GRIP1: variants seen among roughly 807,000 people sequenced by gnomAD.
GRIP1 encodes the protein glutamate receptor interacting protein 1.
Under a neutral mutation model 129.9 loss-of-function variants are expected in GRIP1, and 45 were observed. The observed-to-expected ratio is 0.35, with a 90% CI of 0.27 to 0.44. GRIP1 has a LOEUF of 0.44. Among genes scored for constraint, GRIP1 ranks in the 20% least tolerant of loss-of-function variants. GRIP1 has a pLI of 1.00. For synonymous variants in GRIP1, 530 were observed against 520.8 expected, an observed-to-expected ratio of 1.02 and a Z score of -0.24; for missense variants, 1,196 against 1,396.8, an observed-to-expected ratio of 0.86 and a Z score of 2.29.
intron 1 of GRIP1, among the ~76,000 whole-genome samples, chr12:66,896,604 T>G (rs532261558): frequency 6.6e-6 from 1 of 152,306 alleles, no homozygotes; most frequent in East Asian, 1.9e-4. Flanking sequence ...GATATGCTTT[T>G]GCATATGAAT....
At chr12:66,430,296 G>T (rs2058110501) in intron 14 of GRIP1, among the ~76,000 whole-genome samples, 1 of 152,148 alleles carries the variant, frequency 6.6e-6, no homozygotes, top group Admixed American at 6.5e-5. Flanking sequence ...CAGCGTGGTG[G>T]TGACGACTAG....
At chr12:66,774,064 G>C (rs1185859535) in intron 1 of GRIP1, among the ~76,000 whole-genome samples, 1 of 152,078 alleles carries the variant, frequency 6.6e-6, no homozygotes. Flanking sequence ...TTCAAAAATG[G>C]AGAACAGTAT....
chr12:66,848,250 G>A (rs2137070438), intron 1 of GRIP1, among the ~76,000 whole-genome samples: 1 of 150,274 alleles, frequency 6.7e-6, no homozygotes. Flanking sequence ...CTCTTTCCCT[G>A]TCTCCCTCTC....
At chr12:66,730,084 A>AT (rs1565992130) in intron 1 of GRIP1, among the ~76,000 whole-genome samples, 3 of 152,234 alleles carry the variant, frequency 2.0e-5, no homozygotes, top group African/African-American at 7.2e-5. Context: ...AAACCAGCAT[A>AT]CAGCAGACTG....
chr12:66,629,505 T>G (rs760719424), intron 1 of GRIP1, among the ~76,000 whole-genome samples: 9 of 152,242 alleles, frequency 5.9e-5, no homozygotes, highest in Non-Finnish European at 8.8e-5. Flanking sequence ...CTAAAGCCTC[T>G]AATTATAATC....
rs11176184 is a variant in GRIP1 at position 66,447,591 on chromosome 12, T to C, written c.1355-2083A>G. Among the ~76,000 whole-genome samples, 9 of 152,166 alleles carry C rather than the reference T, an allele frequency of 5.9e-5. No individual in the cohort carries two copies. In the East Asian group the frequency reaches 1.2e-3, roughly 20 times the overall value. Reference sequence around the variant, plus strand: ...TCATTATTTGTTCCCTCTTCCTTTTTTCCCCCACTACAGGAGGTTGTATCC... The same window carrying C: ...TCATTATTTGTTCCCTCTTCCTTTTCTCCCCCACTACAGGAGGTTGTATCC... On this transcript the variant is annotated intron_variant, in intron 11 of 24. Transcript: ENST00000359742.
At chr12:66,598,531 A>G (rs2064146363) in intron 1 of GRIP1, among the ~76,000 whole-genome samples, 2 of 152,324 alleles carry the variant, frequency 1.3e-5, no homozygotes, top group South Asian at 4.1e-4. Context: ...AACAAAATAC[A>G]AAATGTAAAC....
chr12:66,580,533 C>T (rs1343046689), intron 2 of GRIP1, among the ~76,000 whole-genome samples: 4 of 152,064 alleles, frequency 2.6e-5, no homozygotes, highest in East Asian at 1.9e-4. Flanking sequence ...CAGAGACACA[C>T]ATAGGCTCAA....
At chr12:66,580,267 T>A (rs1005403417) in intron 2 of GRIP1, among the ~76,000 whole-genome samples, 72 of 150,460 alleles carry the variant, frequency 4.8e-4, no homozygotes, top group Non-Finnish European at 9.2e-4. Flanking sequence ...GCACTAAACA[T>A]GGAAAGGAAC....
intron 1 of GRIP1, among the ~76,000 whole-genome samples, chr12:66,656,170 C>T (rs1445817759): frequency 6.6e-6 from 1 of 152,152 alleles, no homozygotes; most frequent in East Asian, 1.9e-4. Context: ...TGGTGTGATA[C>T]TCAACAAATG....
At chr12:66,380,292 T>C (rs2056045556) in intron 19 of GRIP1, among the ~76,000 whole-genome samples, 2 of 152,168 alleles carry the variant, frequency 1.3e-5, no homozygotes, top group African/African-American at 2.4e-5. Context: ...GAAAGACTTG[T>C]TCCTGTGATG....
At chr12:66,613,433 G>C (rs532824183) in intron 1 of GRIP1, among the ~76,000 whole-genome samples, 1 of 152,186 alleles carries the variant, frequency 6.6e-6, no homozygotes, top group East Asian at 1.9e-4. Context: ...GCATAGAAAG[G>C]TTCCTGTATG....
chr12:66,562,295 C>T (rs1293100720), intron 2 of GRIP1, among the ~76,000 whole-genome samples: 3 of 152,240 alleles, frequency 2.0e-5, no homozygotes, highest in African/African-American at 4.8e-5. Flanking sequence ...GAACCAGTGT[C>T]ACTGATGTCC....
rs1270397741 is a variant in GRIP1, at chr12:66,357,736, G to T, written c.3013-4173C>A. On this transcript the variant is annotated intron_variant, in intron 23 of 24. Coordinates refer to ENST00000359742, the MANE Select transcript of GRIP1 (RefSeq NM_001366722.1). ...TTACTCTGAAATACAGCTTTTACAA[G>T]AAGGGCAGAATGAATGAATGCTAAT... Among the ~76,000 whole-genome samples the T allele has an allele frequency of 2.0e-5, 3 of 152,140 alleles. No individual in the cohort carries two copies. In the South Asian group the frequency reaches 6.2e-4, roughly 32 times the overall value.
At chr12:66,452,595 A>G (rs2058838940) in intron 11 of GRIP1, among the ~76,000 whole-genome samples, 1 of 152,218 alleles carries the variant, frequency 6.6e-6, no homozygotes, top group Non-Finnish European at 1.5e-5. Flanking sequence ...TCTGGCCTCA[A>G]GTCATCACCA....
rs139786607 is a variant in GRIP1 at position 66,896,841 on chromosome 12, G to T, written c.58+172209C>A. Among the ~76,000 whole-genome samples, 517 of 152,342 alleles carry T rather than the reference G, an allele frequency of 3.4e-3. 3 individuals are homozygous for T. The highest frequency in any genetic ancestry group is 5.5e-3 in the Non-Finnish European group (372 of 68,026). On this transcript the variant is annotated intron_variant, in intron 1 of 1. Transcript: ENST00000643019. ...CAAGAATTAAGAAGATAGCTTGGCA[G>T]TTTTCTGGTTCCAAGATTTCAAAAA...
intron 1 of GRIP1, among the ~76,000 whole-genome samples, chr12:66,966,064 G>C (rs183152705): frequency 1.3e-5 from 2 of 152,132 alleles, no homozygotes; most frequent in African/African-American, 4.8e-5. Flanking sequence ...GAATAACATG[G>C]GTGCTGAAGA....
In GRIP1 at chr12:66,398,966, T is replaced by C. The variant is rs552383307; in HGVS notation, c.1985-4614A>G. Among the ~76,000 whole-genome samples the C allele has an allele frequency of 2.2e-3, 329 of 152,074 alleles. 3 individuals are homozygous for C. Among genetic ancestry groups the C allele is most frequent in the Non-Finnish European group, 4.0e-3 (271 of 68,030 alleles). On this transcript the variant is annotated intron_variant, in intron 16 of 24. Transcript: ENST00000359742. ...CCCCATAACCTAGAACTATGTCTGG[T>C]ACCAAAGCAAACTCAGTAAATGCTT...
intron 1 of GRIP1, among the ~76,000 whole-genome samples, chr12:66,780,570 T>C (rs150127709): frequency 1.7e-3 from 255 of 152,204 alleles, no homozygotes; most frequent in African/African-American, 5.6e-3. Flanking sequence ...AAGATCCAGA[T>C]GAAAGGAAAG....
Sources: allele counts gnomAD v4.1 joint callset (sites outside exome capture counted in the v4.1 genomes callset), GRCh38; gene constraint gnomAD v4.1.1; transcripts MANE v1.5; gene names NCBI Gene and HGNC (gene_info 2026-07-23, HGNC 2026-07-21).